Variants in DIAPH1 observed in about 807,000 individuals in gnomAD.
DIAPH1 encodes the protein protein diaphanous homolog 1.
DIAPH1 carries 46 observed loss-of-function variants against 140.7 expected under a neutral mutation model. The observed-to-expected ratio is 0.33, with a 90% confidence interval of 0.26 to 0.42. The LOEUF (loss-of-function observed/expected upper bound fraction) is 0.42, where lower values mean the gene tolerates loss of function less well. Ranked by LOEUF, DIAPH1 falls within the 10% of genes least tolerant of loss-of-function variation. The pLI is 1.00. For missense variants in DIAPH1, 1,310 were observed against 1,558.7 expected, an observed-to-expected ratio of 0.84 and a Z score of 2.69; for synonymous variants, 565 against 551.6, an observed-to-expected ratio of 1.02 and a Z score of -0.34.
Position 141,516,875 on chromosome 5 carries a change from C to A in DIAPH1, c.3795G>T (p.Lys1265Asn), listed in dbSNP as rs1246511589. The A allele has an allele frequency of 6.2e-7, 1 of 1,614,144 alleles. No homozygotes were observed. The highest frequency in any genetic ancestry group is 1.3e-5 in the African/African-American group (1 of 74,958). ...ATTAGCTTGCACGGCCAACCAACTC[C>A]TTGGCTTCCTCAAGGATTGTGGGGA... ...ETFPTILEEA[K>N]ELVGRAS is the part of the protein sequence containing the mutation. Residue 1265 changes from lysine to asparagine, a missense_variant, in exon 28 of 28, where the codon AAG becomes AAT. Lys to Asn is a moderately conservative substitution (Grantham distance 94, BLOSUM62 0). This residue lies in a region of DIAPH1 where 344 missense variants were observed against 512.2 expected (regional missense o/e 0.67). Transcript: ENST00000389054.
In DIAPH1 at chr5:141,577,600, G is replaced by A; in HGVS notation, c.1164-9C>T. 1 of 1,557,134 alleles carries A rather than the reference G, an allele frequency of 6.4e-7. No homozygotes were observed. Among genetic ancestry groups the A allele is most frequent in the Non-Finnish European group, 8.9e-7 (1 of 1,128,696 alleles). ...AGACTTCATTAAAGTCAGTGGAAAA[G>A]GGAAATAGGCTAAGGAAAGCAAATA... On this transcript the variant is annotated splice_polypyrimidine_tract_variant and intron_variant, in intron 11 of 27. Coordinates refer to ENST00000389054, the MANE Select transcript of DIAPH1 (RefSeq NM_005219.5).
rs1180496257 is a variant in DIAPH1 at position 141,618,968 on chromosome 5, G to A, written c.-54C>T. The A allele has an allele frequency of 3.0e-5, 31 of 1,047,220 alleles. No individual in the cohort carries two copies. Among genetic ancestry groups the A allele is most frequent in the South Asian group, 1.3e-4 (6 of 46,070 alleles). The allele number at this position is 1,047,220 out of a possible 1,614,324, so 64.9% of individuals were successfully genotyped here. On this transcript the variant is annotated 5_prime_UTR_variant, in exon 1 of 28. Coordinates refer to ENST00000389054, the MANE Select transcript of DIAPH1 (RefSeq NM_005219.5). The stretch of plus-strand genomic sequence containing the variant: ...GCGCCTACGCCGCTCCCGCCTGGCA[G>A]CTCCGCGCCCGCCGCCGCCCAGTCG...
intron 1 of DIAPH1, among the ~76,000 whole-genome samples, chr5:141,607,551 T>C (rs544160540): frequency 6.6e-6 from 1 of 152,216 alleles, no homozygotes; most frequent in Non-Finnish European, 1.5e-5. Context: ...GACATCAACA[T>C]GTATTACAAC....
chr5:141,567,298 G>A (rs940245224), intron 18 of DIAPH1, among the ~76,000 whole-genome samples: 1 of 152,182 alleles, frequency 6.6e-6, no homozygotes, highest in Non-Finnish European at 1.5e-5. Context: ...GTGACAGTGA[G>A]ATGACAACCT....
intron 1 of DIAPH1, among the ~76,000 whole-genome samples, chr5:141,612,346 A>C (rs1262307613): frequency 2.6e-5 from 4 of 152,222 alleles, no homozygotes; most frequent in Non-Finnish European, 5.9e-5. Flanking sequence ...CAGCCCAAAA[A>C]GTTGTATGAG....
chr5:141,556,218 A>G (rs1176991562), intron 18 of DIAPH1, among the ~76,000 whole-genome samples: 5 of 152,212 alleles, frequency 3.3e-5, no homozygotes, highest in Non-Finnish European at 4.4e-5. Context: ...CCCGGCCCCA[A>G]CACAGTATTA....
In DIAPH1 at chr5:141,579,143, T is replaced by G; in HGVS notation, c.878A>C (p.Glu293Ala). 6.2e-7 allele frequency: 1 copy of G among 1,614,198 alleles called. No individual in the cohort carries two copies. Among genetic ancestry groups the G allele is most frequent in the Non-Finnish European group, 8.5e-7 (1 of 1,180,028 alleles). ...MTERAEMDEV[E>A]RFQPLLDGLK... ...TCCATCCAGCAGCGGCTGGAAACGT[T>G]CCACTTCATCCATCTCAGCTCTTTC... The change falls in exon 9 of 28, where the codon GAA becomes GCA. Residue 293 changes from glutamate to alanine, a missense_variant. Physicochemically the swap from Glu to Ala is moderately radical, Grantham distance 107. This residue lies in a region of DIAPH1 where 377 missense variants were observed against 497.1 expected (regional missense o/e 0.76). Transcript: ENST00000389054.
intron 27 of DIAPH1, 119 bp downstream of exon 27, chr5:141,524,024 G>T: frequency 1.1e-6 from 1 of 887,036 alleles, no homozygotes; most frequent in Non-Finnish European, 1.9e-6. Context: ...ATCCGTTCTG[G>T]ATGCAGGGAC....
chr5:141,584,028 G>C (rs772285059), intron 4 of DIAPH1, 96 bp downstream of exon 4: 22 of 739,418 alleles, frequency 3.0e-5, no homozygotes, highest in Non-Finnish European at 4.9e-5. Context: ...CAGAATTGAT[G>C]CAGACATAAA....
At chr5:141,556,749 T>TCACCCA (rs1211748890) in intron 18 of DIAPH1, among the ~76,000 whole-genome samples, 8 of 152,208 alleles carry the variant, frequency 5.3e-5, no homozygotes, top group Admixed American at 1.3e-4. Context: ...TTGAGTGCAG[T>TCACCCA]GGTGCAATCT....
chr5:141,538,915 T>C (rs527538407), intron 18 of DIAPH1, among the ~76,000 whole-genome samples: 1 of 152,302 alleles, frequency 6.6e-6, no homozygotes, highest in East Asian at 1.9e-4. Flanking sequence ...TAAAAAATAT[T>C]GCTCTATAGT....
At chr5:141,556,747 A>ACTCT (rs1486676144) in intron 18 of DIAPH1, among the ~76,000 whole-genome samples, 8 of 152,168 alleles carry the variant, frequency 5.3e-5, no homozygotes, top group Admixed American at 1.3e-4. Flanking sequence ...GCTTGAGTGC[A>ACTCT]GTGGTGCAAT....
chr5:141,540,944 C>T (rs2099889874), intron 18 of DIAPH1, among the ~76,000 whole-genome samples: 3 of 152,082 alleles, frequency 2.0e-5, no homozygotes, highest in Admixed American at 6.5e-5. Context: ...CCTATGGTCC[C>T]AGCTACTCTG....
At chr5:141,570,024 T>A (rs993597067) in intron 18 of DIAPH1, among the ~76,000 whole-genome samples, 4 of 152,166 alleles carry the variant, frequency 2.6e-5, no homozygotes, top group African/African-American at 9.7e-5. Context: ...GGGGCCACTT[T>A]GGTATTTTAA....
intron 6 of DIAPH1, 112 bp from the exon 7 acceptor site, chr5:141,582,487 A>C (rs2099896927): frequency 1.3e-5 from 10 of 777,370 alleles, no homozygotes; most frequent in South Asian, 1.3e-4. Flanking sequence ...CAGATGAGTA[A>C]ATTTTAGGAA....
At chr5:141,594,242 G>A (rs2099898950) in intron 1 of DIAPH1, among the ~76,000 whole-genome samples, 1 of 152,224 alleles carries the variant, frequency 6.6e-6, no homozygotes, top group Non-Finnish European at 1.5e-5. Flanking sequence ...TCCAAAGGAA[G>A]TGAAAACGTA....
intron 8 of DIAPH1, among the ~76,000 whole-genome samples, chr5:141,580,124 A>G (rs1247442736): frequency 6.6e-6 from 1 of 152,244 alleles, no homozygotes; most frequent in Non-Finnish European, 1.5e-5. Context: ...AAAAAGAAAC[A>G]GGTTGAAAAG....
intron 18 of DIAPH1, among the ~76,000 whole-genome samples, chr5:141,569,028 T>A (rs967579568): frequency 5.3e-5 from 8 of 152,268 alleles, no homozygotes; most frequent in African/African-American, 1.2e-4. Context: ...TTACTTTTTT[T>A]AATCTATTAT....
intron 1 of DIAPH1, among the ~76,000 whole-genome samples, chr5:141,600,233 C>A (rs1006080589): frequency 2.6e-5 from 4 of 152,228 alleles, no homozygotes; most frequent in Admixed American, 2.6e-4. Context: ...AAATAGGAAC[C>A]TCAGCCCTAT....
Sources: gnomAD v4.1 joint callset for allele counts (sites outside exome capture counted in the v4.1 genomes callset) on GRCh38, gnomAD v4.1.1 for gene constraint, gnomAD v4.1.1 regional missense constraint, MANE v1.5 for transcripts, NCBI Gene and HGNC (gene_info 2026-07-23, HGNC 2026-07-21) for gene names.